MYH11: variants seen among roughly 807,000 people sequenced by gnomAD.
MYH11 encodes the protein myosin heavy chain 11.
MYH11 carries 80 observed loss-of-function variants against 246.6 expected under a neutral mutation model. That is an observed-to-expected ratio of 0.32 (90% confidence interval 0.27 to 0.39). The LOEUF is 0.39. Among genes scored for constraint, MYH11 ranks in the 10% least tolerant of loss-of-function variants. The probability of loss-of-function intolerance (pLI) is 1.00; values close to 1 mark genes in which losing one functional copy is unlikely to be tolerated. For missense variants in MYH11, 2,158 were observed against 2,546.8 expected, an observed-to-expected ratio of 0.85 and a Z score of 3.29; for synonymous variants, 1,071 against 1,015.5, an observed-to-expected ratio of 1.05 and a Z score of -1.04.
rs146146714 is a variant in MYH11, at chr16:15,735,811, C to T, written c.3294-233G>A. On this transcript the variant is annotated intron_variant, in intron 25 of 40. Coordinates refer to ENST00000300036, the MANE Select transcript of MYH11 (RefSeq NM_002474.3). The stretch of plus-strand genomic sequence containing the variant: ...TTGTACATGTGCATGGGTGTGTGTA[C>T]GTGTGTATGCACGTGTGTGCATGTG... Among the ~76,000 whole-genome samples the T allele has an allele frequency of 1.2e-4, 19 of 152,288 alleles. No homozygotes were observed. In the East Asian group the frequency reaches 1.9e-3, roughly 15 times the overall value.
At position 15,801,782 on chromosome 16, in the gene MYH11, C is replaced by T. The variant is rs570613168; in HGVS notation, c.503-3095G>A. 3.9e-5 allele frequency among the ~76,000 whole-genome samples: 6 copies of T among 152,146 alleles called. 1 individual carries two copies. In the South Asian group the frequency reaches 6.2e-4, roughly 16 times the overall value. On this transcript the variant is annotated intron_variant, in intron 3 of 40. Transcript: ENST00000300036. ...GACCAGCCTGGCCAACATGGTGAAA[C>T]GCTGTCTCTACTAAAAATACAAAAA...
intron 22 of MYH11, 45 bp downstream of exon 22, chr16:15,741,418 C>A: frequency 6.3e-7 from 1 of 1,593,418 alleles, no homozygotes; most frequent in South Asian, 1.1e-5. Context: ...TGGTGAGGGT[C>A]AAGTGATTTG....
chr16:15,739,290 G>A (rs1238622045), intron 23 of MYH11, among the ~76,000 whole-genome samples: 1 of 151,940 alleles, frequency 6.6e-6, no homozygotes, highest in Non-Finnish European at 1.5e-5. Flanking sequence ...TAGTAGAGAT[G>A]GGGTTTTACC....
chr16:15,741,035 A>T, intron 22 of MYH11: 1 of 317,194 alleles, frequency 3.2e-6, no homozygotes, highest in South Asian at 3.0e-5. Flanking sequence ...GCCCCAGATG[A>T]GCCTTCAGAT....
chr16:15,835,831 G>A (rs186828876), intron 2 of MYH11, among the ~76,000 whole-genome samples: 1 of 148,398 alleles, frequency 6.7e-6, no homozygotes, highest in East Asian at 2.0e-4. Context: ...ATAGCTCACT[G>A]CAGCCTTGAA....
chr16:15,779,125 A>T lies in MYH11; in HGVS notation c.727-282T>A, dbSNP rs570446869. 1.8e-3 allele frequency: 952 copies of T among 543,228 alleles called. 4 individuals are homozygous for T. Among genetic ancestry groups the T allele is most frequent in the Middle Eastern group, 0.017 (34 of 1,990 alleles). The allele number at this position is 543,228 out of a possible 1,614,324, so 33.7% of individuals were successfully genotyped here. On this transcript the variant is annotated intron_variant, in intron 6 of 40. Coordinates refer to ENST00000300036, the MANE Select transcript of MYH11 (RefSeq NM_002474.3). The stretch of plus-strand genomic sequence containing the variant: ...TAGTCCATCATGGCTATCCCTATTT[A>T]AAAAAACTTATTTATTTATTAGAGA...
chr16:15,789,889 G>C (rs1341618381), intron 4 of MYH11, among the ~76,000 whole-genome samples: 1 of 151,920 alleles, frequency 6.6e-6, no homozygotes, highest in Non-Finnish European at 1.5e-5. Context: ...CAACATGTGT[G>C]GATCACACTC....
At chr16:15,732,519 C>T in intron 27 of MYH11, 45 bp downstream of exon 27, 1 of 1,614,072 alleles carries the variant, frequency 6.2e-7, no homozygotes, top group South Asian at 1.1e-5. Context: ...CTGCTGATGT[C>T]ACTCTTATGT....
chr16:15,789,319 G>C (rs2042554794), intron 4 of MYH11, among the ~76,000 whole-genome samples: 1 of 152,162 alleles, frequency 6.6e-6, no homozygotes, highest in South Asian at 2.1e-4. Context: ...TTTGTTGAAG[G>C]CCTGCACAGT....
chr16:15,731,955 A>ATATTT (rs747112639), intron 27 of MYH11, among the ~76,000 whole-genome samples: 33 of 151,642 alleles, frequency 2.2e-4, no homozygotes, highest in African/African-American at 7.3e-4. Flanking sequence ...GGCCTGGCCA[A>ATATTT]TATTTTATTT....
intron 1 of MYH11, among the ~76,000 whole-genome samples, chr16:15,838,955 T>A (rs1027177077): frequency 6.7e-6 from 1 of 150,038 alleles, no homozygotes; most frequent in Non-Finnish European, 1.5e-5. Flanking sequence ...AAAATAAGAG[T>A]CCTCATACGA....
Position 15,747,572 on chromosome 16 carries a change from T to C in MYH11, c.2409A>G (p.Arg803=), listed in dbSNP as rs556827974. 8.1e-6 allele frequency: 13 copies of C among 1,614,152 alleles called. No individual in the cohort carries two copies. In the South Asian group the frequency reaches 9.9e-5, roughly 12 times the overall value. Residue 803 remains arginine (R), a splice_region_variant and synonymous_variant, in exon 19 of 41, where the codon AGA becomes AGG. Transcript: ENST00000300036. ...FQAMCRGYLA[R]KAFAKRQQQL... The stretch of plus-strand genomic sequence containing the variant: ...AGGATGCAGGAAAGCATCTTTACTT[T>C]CTGGCCAAGTAGCCACGACACATCG...
At chr16:15,855,484 G>A (rs2044441455) in intron 1 of MYH11, among the ~76,000 whole-genome samples, 2 of 152,190 alleles carry the variant, frequency 1.3e-5, no homozygotes, top group East Asian at 1.9e-4. Flanking sequence ...AACTGACCCG[G>A]GAATGGGTTC....
intron 19 of MYH11, 69 bp downstream of exon 19, chr16:15,747,500 GA>G (rs780263681): frequency 4.0e-5 from 64 of 1,585,728 alleles, no homozygotes; most frequent in Non-Finnish European, 5.5e-5. Context: ...TAGAATCAGG[GA>G]ATCAGAACAG....
chr16:15,778,995 A>C (rs1057094786), intron 6 of MYH11, 152 bp from the exon 7 acceptor site: 19 of 761,152 alleles, frequency 2.5e-5, no homozygotes, highest in Non-Finnish European at 4.2e-5. Context: ...TCAAGTTGTC[A>C]GGCGGAACCA....
intron 27 of MYH11, among the ~76,000 whole-genome samples, chr16:15,727,445 C>T (rs934258858): frequency 1.3e-5 from 2 of 152,098 alleles, no homozygotes; most frequent in African/African-American, 4.8e-5. Context: ...AAGTGATCCA[C>T]CCATCTTGGC....
chr16:15,719,699 G>T lies in MYH11; in HGVS notation c.4968C>A (p.Asp1656Glu), dbSNP rs2040364464. The stretch of plus-strand genomic sequence containing the variant: ...GGGCATCTTCCAGCTCTCTTTGAAA[G>T]TCCTTCATCTGAGCCTGCATGAGTC... ...QLRKLQAQMK[D>E]FQRELEDARA... Residue 1656 changes from aspartate (D) to glutamate (E), a missense_variant, in exon 35 of 41, where the codon GAC becomes GAA. This residue lies in a region of MYH11 where 1,013 missense variants were observed against 993.5 expected (regional missense o/e 1.02). Coordinates refer to ENST00000300036, the MANE Select transcript of MYH11 (RefSeq NM_002474.3). 4 of 1,614,180 alleles carry T rather than the reference G, an allele frequency of 2.5e-6. No individual in the cohort carries two copies. Among genetic ancestry groups the T allele is most frequent in the Non-Finnish European group, 2.5e-6 (3 of 1,180,046 alleles).
intron 2 of MYH11, 35 bp downstream of exon 2, chr16:15,837,873 C>G (rs201365270): frequency 1.3e-6 from 2 of 1,576,398 alleles, no homozygotes; most frequent in Admixed American, 3.3e-5. Context: ...CCTTATGAGG[C>G]CAGGAGTAGG....
chr16:15,731,693 A>G (rs1359684552), intron 27 of MYH11, among the ~76,000 whole-genome samples: 1 of 151,898 alleles, frequency 6.6e-6, no homozygotes, highest in African/African-American at 2.4e-5. Flanking sequence ...GGGTTTCACC[A>G]TGTTGGCCAG....
Sources: gnomAD v4.1 joint callset for allele counts (sites outside exome capture counted in the v4.1 genomes callset) on GRCh38, gnomAD v4.1.1 for gene constraint, gnomAD v4.1.1 regional missense constraint, MANE v1.5 for transcripts, NCBI Gene and HGNC (gene_info 2026-07-23, HGNC 2026-07-21) for gene names.